Variants in PLCL2 observed in about 807,000 individuals in gnomAD.
PLCL2 encodes the protein phospholipase C like 2.
A neutral mutation model predicts 79.6 loss-of-function variants in PLCL2; 4 were observed. The ratio of observed to expected loss-of-function variants is 0.05; its 90% CI spans 0.02 to 0.11. The LOEUF is 0.11. PLCL2 is among the 10% of genes least tolerant of loss of function. The pLI, the probability that PLCL2 is intolerant of heterozygous loss-of-function variation, is 1.00. For missense variants in PLCL2, 895 were observed against 1,291.0 expected (o/e 0.69, Z 4.70); for synonymous variants, 484 against 457.7 (o/e 1.06, Z -0.73).
chr3:16,937,497 A>T (rs1258912679), intron 1 of PLCL2, among the ~76,000 whole-genome samples: 1 of 152,200 alleles, frequency 6.6e-6, no homozygotes, highest in Non-Finnish European at 1.5e-5. Context: ...TGCTGTGCTA[A>T]TAGCATAAAT....
intron 1 of PLCL2, among the ~76,000 whole-genome samples, chr3:16,905,198 A>AG (rs1696722955): frequency 6.6e-6 from 1 of 152,188 alleles, no homozygotes; most frequent in Non-Finnish European, 1.5e-5. Context: ...AGAAGGCCCC[A>AG]GGGTGTGTGG....
chr3:16,972,573 G>A (rs1236657009), intron 1 of PLCL2, among the ~76,000 whole-genome samples: 2 of 152,114 alleles, frequency 1.3e-5, no homozygotes, highest in Non-Finnish European at 2.9e-5. Flanking sequence ...TAACATTGTT[G>A]GTGGGGGTTG....
At chr3:16,970,217 C>A (rs183851976) in intron 1 of PLCL2, among the ~76,000 whole-genome samples, 3,176 of 151,936 alleles carry the variant, frequency 0.021, 56 homozygotes, top group South Asian at 0.043. Flanking sequence ...CCCCCTCCCC[C>A]CAGCCCACAA....
rs139614136 is a variant in PLCL2 at position 17,080,271 on chromosome 3, C to T, written c.3205-9462C>T. 4.5e-4 allele frequency among the ~76,000 whole-genome samples: 69 copies of T among 152,154 alleles called. 1 individual carries two copies. In the East Asian group the frequency reaches 0.011, roughly 25 times the overall value. ...GATGATTAGGGAGTCTTTTTTCAAC[C>T]GTAAGGTTTACTGAGACTTCAGTGG... On this transcript the variant is annotated intron_variant, in intron 5 of 5. Coordinates refer to ENST00000615277, the MANE Select transcript of PLCL2 (RefSeq NM_001144382.2).
At chr3:17,063,400 T>G (rs75339351) in intron 4 of PLCL2, among the ~76,000 whole-genome samples, 3,112 of 147,692 alleles carry the variant, frequency 0.021, 53 homozygotes, top group South Asian at 0.044. Flanking sequence ...CTACTGAACA[T>G]GGACTTCGCA....
chr3:16,980,076 C>A (rs1185709807), intron 1 of PLCL2, among the ~76,000 whole-genome samples: 14 of 130,086 alleles, frequency 1.1e-4, no homozygotes, highest in African/African-American at 3.3e-4. Flanking sequence ...CGGGACGGGG[C>A]GGCTGGCCAG....
chr3:16,902,087 A>T (rs1696632047), intron 1 of PLCL2, among the ~76,000 whole-genome samples: 1 of 152,058 alleles, frequency 6.6e-6, no homozygotes, highest in African/African-American at 2.4e-5. Context: ...CATCCCCTCT[A>T]GCATGCCCCC....
intron 1 of PLCL2, among the ~76,000 whole-genome samples, chr3:16,956,722 G>GT (rs1287142897): frequency 6.6e-6 from 1 of 152,118 alleles, no homozygotes; most frequent in Non-Finnish European, 1.5e-5. Flanking sequence ...TTATTGGTCT[G>GT]TTCAGAGATT....
Position 17,042,022 on chromosome 3 carries a change from T to G in PLCL2, c.3019-852T>G, listed in dbSNP as rs138259898. ...TTTATTACTTAAAATATGATGGTCATGTAAAATAGATGAGTAATATTATAA... is the reference window on the plus strand; with the variant it reads ...TTTATTACTTAAAATATGATGGTCAGGTAAAATAGATGAGTAATATTATAA... On this transcript the variant is annotated intron_variant, in intron 3 of 5. Coordinates refer to ENST00000615277, the MANE Select transcript of PLCL2 (RefSeq NM_001144382.2). Among the ~76,000 whole-genome samples the G allele has an allele frequency of 4.6e-3, 694 of 152,300 alleles. 3 individuals are homozygous for G. Among genetic ancestry groups the G allele is most frequent in the Non-Finnish European group, 8.2e-3 (557 of 68,004 alleles).
intron 4 of PLCL2, 114 bp from the exon 5 acceptor site, chr3:17,067,842 A>C: frequency 1.7e-6 from 1 of 586,482 alleles, no homozygotes; most frequent in Non-Finnish European, 3.0e-6. Context: ...ACATTTATGA[A>C]ATTCCACTGG....
intron 1 of PLCL2, among the ~76,000 whole-genome samples, chr3:16,958,410 T>C (rs1256247417): frequency 6.6e-6 from 1 of 152,196 alleles, no homozygotes; most frequent in Admixed American, 6.5e-5. Flanking sequence ...GAAAATGCAT[T>C]TGATGTACAG....
chr3:17,009,960 G>A lies in PLCL2; in HGVS notation c.614G>A (p.Ser205Asn). Residue 205 changes from serine (S) to asparagine (N), a missense_variant, in exon 2 of 6, where the codon AGC becomes AAC. Physicochemically the swap from Ser to Asn is conservative, Grantham distance 46. Around this residue, in one of 6 missense-constraint regions of PLCL2, gnomAD observed 129 missense variants for 208.8 expected, o/e 0.62. Transcript: ENST00000615277. This position sits in a 1 kb window ranked among gnomAD's most constrained non-coding sequence, Gnocchi z 4.0. The part of the protein sequence containing the change: ...RTGKNTDIFR[S>N]NGISDQISED... ...GGAAAAAACACAGACATATTCCGCA[G>A]CAATGGCATTTCTGACCAGATATCT... 1.2e-6 allele frequency: 2 copies of A among 1,614,072 alleles called. No homozygotes were observed. The highest frequency in any genetic ancestry group is 1.7e-6 in the Non-Finnish European group (2 of 1,179,960).
chr3:17,050,424 A>G (rs915003427), intron 4 of PLCL2, among the ~76,000 whole-genome samples: 9 of 149,932 alleles, frequency 6.0e-5, no homozygotes, highest in Non-Finnish European at 1.2e-4. Flanking sequence ...CCGAGTATAT[A>G]AGGAGCTCAA....
At chr3:17,040,685 G>C (rs1335155963) in intron 3 of PLCL2, among the ~76,000 whole-genome samples, 1 of 152,116 alleles carries the variant, frequency 6.6e-6, no homozygotes, top group Non-Finnish European at 1.5e-5. Context: ...TATTTTATGG[G>C]TAGGAAATTA....
chr3:16,903,935 A>G (rs1342169224), intron 1 of PLCL2, among the ~76,000 whole-genome samples: 2 of 152,222 alleles, frequency 1.3e-5, no homozygotes, highest in Non-Finnish European at 2.9e-5. Flanking sequence ...CTTCATTACA[A>G]TCACATGTTA....
chr3:16,980,221 G>A (rs1446367581), intron 1 of PLCL2, among the ~76,000 whole-genome samples: 1 of 138,954 alleles, frequency 7.2e-6, no homozygotes, highest in Non-Finnish European at 1.6e-5. Context: ...AGGGGTGGCC[G>A]GGCAGAGGCA....
At chr3:16,919,998 G>A (rs1435358450) in intron 1 of PLCL2, among the ~76,000 whole-genome samples, 1 of 152,164 alleles carries the variant, frequency 6.6e-6, no homozygotes, top group Non-Finnish European at 1.5e-5. Context: ...AATCACCAGA[G>A]TATAATCTTG....
At chr3:16,957,362 G>A (rs1358515952) in intron 1 of PLCL2, among the ~76,000 whole-genome samples, 1 of 152,162 alleles carries the variant, frequency 6.6e-6, no homozygotes, top group Admixed American at 6.5e-5. Flanking sequence ...TTAATCCTAA[G>A]TTCTAGTTTG....
chr3:17,056,348 A>G (rs375302178), intron 4 of PLCL2, among the ~76,000 whole-genome samples: 8 of 152,272 alleles, frequency 5.3e-5, no homozygotes, highest in Non-Finnish European at 1.0e-4. Flanking sequence ...TATATTAGGT[A>G]TCCTTAGGTT....
Sources: allele counts gnomAD v4.1 joint callset (sites outside exome capture counted in the v4.1 genomes callset), GRCh38; gene constraint gnomAD v4.1.1; regional missense constraint gnomAD v4.1.1; non-coding constraint Gnocchi (gnomAD v3.1); transcripts MANE v1.5; gene names NCBI Gene and HGNC (gene_info 2026-07-23, HGNC 2026-07-21).